BTK: variants seen among roughly 807,000 people sequenced by gnomAD.
BTK encodes tyrosine-protein kinase BTK.
In BTK, 5 loss-of-function variants were observed where a neutral mutation model predicts 57.4. The observed-to-expected ratio is 0.09, with a 90% confidence interval of 0.05 to 0.18. The LOEUF (loss-of-function observed/expected upper bound fraction) is 0.18. Among genes scored for constraint, BTK ranks in the 10% least tolerant of loss-of-function variants. BTK has a pLI of 1.00. For missense variants in BTK, 194 were observed against 501.2 expected, an observed-to-expected ratio of 0.39 and a Z score of 5.85; for synonymous variants, 154 against 174.3, an observed-to-expected ratio of 0.88 and a Z score of 0.92.
upstream of BTK, chrX:101,390,376 TC>T (rs371161864): frequency 5.6e-4 from 262 of 470,299 alleles, no homozygotes; most frequent in African/African-American, 5.2e-3. Context: ...GCTGACTTAC[TC>T]CCTCAACAGA....
rs782134435 is a variant in BTK, at chrX:101,353,362, A to G, written c.1751-11T>C. The G allele has an allele frequency of 8.3e-7, 1 of 1,207,081 alleles. No individual in the cohort carries two copies. The highest frequency in any genetic ancestry group is 1.1e-6 in the Non-Finnish European group (1 of 891,588). On this transcript the variant is annotated splice_polypyrimidine_tract_variant and intron_variant, in intron 17 of 18. Coordinates refer to ENST00000308731, the MANE Select transcript of BTK (RefSeq NM_000061.3). ...CCCACATCAAAACCCCTAGAAGGTG[A>G]AAAAAATTATTAAATTGGTTTGCAG...
Position 101,371,636 on chromosome X carries a change from G to A in BTK, c.306C>T (p.Phe102=). 6 of 1,208,237 alleles carry A rather than the reference G, an allele frequency of 5.0e-6. No individual in the cohort carries two copies. Among genetic ancestry groups the A allele is most frequent in the Non-Finnish European group, 6.7e-6 (6 of 892,374 alleles). The change falls in exon 4 of 19, where the codon TTC becomes TTT. Residue 102 remains phenylalanine (F), a synonymous_variant. Coordinates refer to ENST00000308731, the MANE Select transcript of BTK (RefSeq NM_000061.3). ...TTGGTGAGAGAAAATAACTCACCTG[G>A]AAGGGATAAGGGAACCTTTCAATGA... is the stretch of plus-strand genomic sequence containing the variant. The part of the protein sequence containing the change: ...ISIIERFPYP[F]QVVYDEGPLY...
intron 1 of BTK, among the ~76,000 whole-genome samples, chrX:101,383,726 T>C (rs1484503957): frequency 9.0e-6 from 1 of 111,491 alleles, no homozygotes; most frequent in Non-Finnish European, 1.9e-5. Flanking sequence ...AAATAACCAA[T>C]ATAATCCTAA....
intron 1 of BTK, among the ~76,000 whole-genome samples, chrX:101,383,824 C>A (rs1367568114): frequency 9.0e-6 from 1 of 111,655 alleles, no homozygotes; most frequent in Non-Finnish European, 1.9e-5. Flanking sequence ...TTGCCCTCAG[C>A]CACTGCACAT....
upstream of BTK, chrX:101,390,368 T>C (rs1307593753): frequency 1.1e-5 from 5 of 463,343 alleles, no homozygotes; most frequent in Non-Finnish European, 1.9e-5. Context: ...CTAGAGCTGC[T>C]GACTTACTCC....
chrX:101,359,265 T>A (rs782252804), intron 10 of BTK, 28 bp downstream of exon 10: 4 of 1,205,656 alleles, frequency 3.3e-6, no homozygotes, highest in Non-Finnish European at 4.5e-6. Context: ...GCAAGGAGAA[T>A]GCTGTGTGCT....
chrX:101,369,207 A>G (rs1462847109), intron 5 of BTK, among the ~76,000 whole-genome samples: 1 of 112,406 alleles, frequency 8.9e-6, no homozygotes, highest in East Asian at 2.8e-4. Flanking sequence ...TATCCACAAC[A>G]AAGAGATGTA....
chrX:101,350,424 T>TA lies in BTK; in HGVS notation c.1909-469dup, dbSNP rs1390206134. On this transcript the variant is annotated intron_variant, in intron 18 of 18. Transcript: ENST00000308731. ...ACCTTTTTTTTTTTTTTTTTTTTTT[T>TA]ACCACTGGTAACAAAAAGACTAAGG... Among the ~76,000 whole-genome samples, 213 of 99,040 alleles carry TA rather than the reference T, an allele frequency of 2.2e-3. 2 individuals carry two copies. Among genetic ancestry groups the TA allele is most frequent in the East Asian group, 2.9e-3 (9 of 3,128 alleles). 86.0% of individuals were successfully genotyped at this position (99,040 alleles called of 115,157 possible). A position where few individuals can be genotyped will look rare whatever the true frequency, so the allele number is the denominator to read the frequency against.
intron 13 of BTK, 140 bp downstream of exon 13, chrX:101,357,367 CTT>C: frequency 1.8e-6 from 1 of 560,817 alleles, no homozygotes; most frequent in East Asian, 3.5e-5. Context: ...CAGTGAATAA[CTT>C]TTGCTTGGAT....
intron 6 of BTK, 141 bp from the exon 7 acceptor site, chrX:101,362,381 G>T: frequency 2.0e-6 from 2 of 981,783 alleles, no homozygotes; most frequent in Non-Finnish European, 2.9e-6. Context: ...AGGTCACATA[G>T]CTTGGAGAGC....
rs782400362 is a variant in BTK at position 101,354,599 on chromosome X, C to A, written c.1631+31G>T. The A allele has an allele frequency of 2.5e-5, 30 of 1,195,361 alleles. No homozygotes were observed. In the African/African-American group the frequency reaches 4.4e-4, roughly 17 times the overall value. ...GTTTCATACTGTGCTATTTTTACTT[C>A]TGGAGGGAAAGATGAAAAAGCCACA... On this transcript the variant is annotated intron_variant, in intron 16 of 18. Transcript: ENST00000308731.
intron 1 of BTK, among the ~76,000 whole-genome samples, chrX:101,376,021 C>T (rs192169561): frequency 9.1e-5 from 10 of 110,337 alleles, no homozygotes; most frequent in Admixed American, 4.9e-4. Context: ...CCCCATTTAG[C>T]TTAAATTAGT....
rs782358652 is a variant in BTK, at chrX:101,354,003, G to A, written c.1632-15C>T. The A allele has an allele frequency of 2.7e-6, 3 of 1,131,291 alleles. No homozygotes were observed. The South Asian group carries it at 5.4e-5, about 21-fold the overall frequency. The allele number at this position is 1,131,291 out of a possible 1,213,427, so 93.2% of individuals were successfully genotyped here. ...CCAGGACATACCTGCAAGGGATTCA[G>A]GACTTGTTGCATTAGGATTTGGAGG... On this transcript the variant is annotated splice_polypyrimidine_tract_variant and intron_variant, in intron 16 of 18. Coordinates refer to ENST00000308731, the MANE Select transcript of BTK (RefSeq NM_000061.3).
chrX:101,367,137 G>A (rs1237802700), intron 5 of BTK, among the ~76,000 whole-genome samples: 1 of 109,367 alleles, frequency 9.1e-6, no homozygotes, highest in Admixed American at 9.9e-5. Context: ...CCAGCTACTC[G>A]GGAGGCTGAG....
upstream of BTK, among the ~76,000 whole-genome samples, chrX:101,390,187 A>C (rs1168000047): frequency 5.4e-5 from 6 of 111,914 alleles, no homozygotes; most frequent in East Asian, 1.4e-3. Flanking sequence ...GACACAATCT[A>C]TTTAAAATGT....
intron 14 of BTK, chrX:101,356,527 G>A (rs1211168198): frequency 2.2e-6 from 1 of 449,845 alleles, no homozygotes; most frequent in African/African-American, 2.5e-5. Flanking sequence ...TATTTCTCTT[G>A]AAAGTTTAAT....
At chrX:101,361,770 C>G (rs945672458) in intron 7 of BTK, among the ~76,000 whole-genome samples, 5 of 111,032 alleles carry the variant, frequency 4.5e-5, no homozygotes, top group African/African-American at 1.3e-4. Context: ...TGGTGCATGC[C>G]TGTAATCCCA....
chrX:101,370,435 A>G (rs1199376293), intron 4 of BTK, among the ~76,000 whole-genome samples: 1 of 111,860 alleles, frequency 8.9e-6, no homozygotes, highest in Non-Finnish European at 1.9e-5. Context: ...TTAAATTCTG[A>G]CTTTGTATAG....
At chrX:101,378,426 A>T (rs1255172008) in intron 1 of BTK, among the ~76,000 whole-genome samples, 8 of 110,402 alleles carry the variant, frequency 7.2e-5, no homozygotes, top group African/African-American at 2.6e-4. Flanking sequence ...AGTAGCCTAC[A>T]GAGTCGGTTT....
Sources: allele counts gnomAD v4.1 joint callset (sites outside exome capture counted in the v4.1 genomes callset), GRCh38; gene constraint gnomAD v4.1.1; transcripts MANE v1.5; gene names NCBI Gene and HGNC (gene_info 2026-07-23, HGNC 2026-07-21).